The following LSAMP variants were observed in gnomAD, a reference collection of about 807,000 sequenced individuals.
LSAMP encodes the protein limbic system associated membrane protein.
LSAMP carries 7 observed loss-of-function variants against 38.6 expected under a neutral mutation model. The ratio of observed to expected loss-of-function variants is 0.18; its 90% CI spans 0.10 to 0.34. LSAMP has a LOEUF of 0.34. Ranked by LOEUF, LSAMP falls within the 10% of genes least tolerant of loss-of-function variation. The probability of loss-of-function intolerance (pLI) is 1.00; values close to 1 mark genes in which losing one functional copy is unlikely to be tolerated. For missense variants in LSAMP, 313 were observed against 420.0 expected (o/e 0.75, Z 2.23); for synonymous variants, 154 against 166.8 (o/e 0.92, Z 0.59).
At chr3:116,047,882 T>G (rs2107728438) in intron 2 of LSAMP, among the ~76,000 whole-genome samples, 1 of 152,356 alleles carries the variant, frequency 6.6e-6, no homozygotes, top group South Asian at 2.1e-4. Flanking sequence ...AGTCATCACT[T>G]TTGTGATGAA....
rs572707865 is a variant in LSAMP, at chr3:116,130,961, C to T, written c.156-44405G>A. 1.7e-4 allele frequency among the ~76,000 whole-genome samples: 26 copies of T among 150,704 alleles called. No homozygotes were observed. In the South Asian group the frequency reaches 3.4e-3, roughly 19 times the overall value. On this transcript the variant is annotated intron_variant, in intron 1 of 6. Coordinates refer to ENST00000490035, the MANE Select transcript of LSAMP (RefSeq NM_002338.5). The stretch of plus-strand genomic sequence containing the variant: ...ATTCAAAATTCATTCACTTCACTTC[C>T]GGTAACAACTGTTTAAGGTTCCACA...
chr3:116,169,322 T>C (rs1358617982), intron 1 of LSAMP, among the ~76,000 whole-genome samples: 1 of 152,232 alleles, frequency 6.6e-6, no homozygotes, highest in Non-Finnish European at 1.5e-5. Context: ...CCAAAATGGC[T>C]GTAGTGAATC....
intron 1 of LSAMP, among the ~76,000 whole-genome samples, chr3:116,180,202 GTC>G (rs1450169556): frequency 6.6e-6 from 1 of 152,024 alleles, no homozygotes; most frequent in African/African-American, 2.4e-5. Context: ...CATGAATACA[GTC>G]TCTGCTCTCA....
At chr3:116,434,689 C>A (rs2049324133) in intron 1 of LSAMP, among the ~76,000 whole-genome samples, 1 of 152,046 alleles carries the variant, frequency 6.6e-6, no homozygotes, top group Admixed American at 6.5e-5. Flanking sequence ...GTAGCTAGGG[C>A]TACAGGCGTG....
At chr3:116,245,436 C>A (rs571759555) in intron 1 of LSAMP, among the ~76,000 whole-genome samples, 1 of 152,086 alleles carries the variant, frequency 6.6e-6, no homozygotes, top group Non-Finnish European at 1.5e-5. Flanking sequence ...TTTCTTATTG[C>A]CCAAGGAGTG....
rs535739121 is a variant in LSAMP, at chr3:115,984,385, T to G, written c.514+35130A>C. Among the ~76,000 whole-genome samples the G allele has an allele frequency of 3.3e-5, 5 of 152,328 alleles. No individual in the cohort carries two copies. The South Asian group carries it at 1.0e-3, about 32-fold the overall frequency. On this transcript the variant is annotated intron_variant, in intron 3 of 6. Transcript: ENST00000490035. The stretch of plus-strand genomic sequence containing the variant: ...TCAAGATATAGGTCTAGGCTAGATG[T>G]ATGCTAAAATAAGAGCATCCAAGGA...
At chr3:116,157,319 A>G (rs183938197) in intron 1 of LSAMP, among the ~76,000 whole-genome samples, 1 of 152,276 alleles carries the variant, frequency 6.6e-6, no homozygotes, top group Admixed American at 6.5e-5. Flanking sequence ...AAAAAAAGGA[A>G]AAGGGGCATT....
At chr3:116,323,170 G>A (rs1188988438) in intron 1 of LSAMP, among the ~76,000 whole-genome samples, 1 of 152,066 alleles carries the variant, frequency 6.6e-6, no homozygotes, top group Non-Finnish European at 1.5e-5. Flanking sequence ...AGAAAGAGCA[G>A]GAATGTGTTA....
chr3:116,211,668 T>C (rs2046158191), intron 1 of LSAMP, among the ~76,000 whole-genome samples: 2 of 152,172 alleles, frequency 1.3e-5, no homozygotes, highest in African/African-American at 4.8e-5. Context: ...TGGGCAGCAA[T>C]ATGCTGATTT....
chr3:115,921,685 C>G (rs1937386076), intron 3 of LSAMP, among the ~76,000 whole-genome samples: 1 of 152,204 alleles, frequency 6.6e-6, no homozygotes, highest in South Asian at 2.1e-4. Context: ...ATGGCATTCT[C>G]TTACTTAAAC....
intron 3 of LSAMP, among the ~76,000 whole-genome samples, chr3:115,894,644 T>G (rs1397784376): frequency 6.6e-6 from 1 of 152,036 alleles, no homozygotes; most frequent in Non-Finnish European, 1.5e-5. Context: ...TGAAAACCAC[T>G]GATAACATAT....
chr3:116,116,001 A>G (rs1559748991), intron 1 of LSAMP, among the ~76,000 whole-genome samples: 1 of 147,056 alleles, frequency 6.8e-6, no homozygotes, highest in East Asian at 2.0e-4. Flanking sequence ...GAACTATTAC[A>G]TTGTTAATTT....
chr3:116,292,777 T>C (rs2047284889), intron 1 of LSAMP, among the ~76,000 whole-genome samples: 1 of 152,188 alleles, frequency 6.6e-6, no homozygotes, highest in South Asian at 2.1e-4. Context: ...CTCGCAAGGT[T>C]AAATGGTTTG....
rs114845659 is a variant in LSAMP, at chr3:116,232,974, C to G, written c.156-146418G>C. On this transcript the variant is annotated intron_variant, in intron 1 of 6. Coordinates refer to ENST00000490035, the MANE Select transcript of LSAMP (RefSeq NM_002338.5). The stretch of plus-strand genomic sequence containing the variant: ...TTTAATACCCCCCAACCCCAACCAG[C>G]CTTTCTCATATTTGTCAATTTTCTG... 5.3e-3 allele frequency among the ~76,000 whole-genome samples: 812 copies of G among 152,032 alleles called. 14 individuals carry two copies. Among genetic ancestry groups the G allele is most frequent in the African/African-American group, 0.019 (780 of 41,478 alleles).
Position 116,029,348 on chromosome 3 carries a change from C to T in LSAMP, c.389-9708G>A, listed in dbSNP as rs535451480. Reference sequence around the variant, plus strand: ...ACTGGAACATGATTTCATTTAGACACAAATTTCATGGGAAAGTAGAAAAAA... The same window carrying T: ...ACTGGAACATGATTTCATTTAGACATAAATTTCATGGGAAAGTAGAAAAAA... On this transcript the variant is annotated intron_variant, in intron 2 of 6. Transcript: ENST00000490035. Among the ~76,000 whole-genome samples the T allele has an allele frequency of 4.6e-5, 7 of 152,174 alleles. No homozygotes were observed. The South Asian group carries it at 1.5e-3, about 32-fold the overall frequency.
chr3:115,824,873 T>G (rs1009102982), intron 6 of LSAMP, among the ~76,000 whole-genome samples: 1 of 152,182 alleles, frequency 6.6e-6, no homozygotes, highest in East Asian at 1.9e-4. Flanking sequence ...TTTATCTGAC[T>G]TGGTAAGAAA....
chr3:116,425,781 G>A (rs1389006739), intron 1 of LSAMP, among the ~76,000 whole-genome samples: 1 of 151,020 alleles, frequency 6.6e-6, no homozygotes, highest in African/African-American at 2.4e-5. Flanking sequence ...AAACAATAAA[G>A]ATGAAAAAAT....
intron 1 of LSAMP, among the ~76,000 whole-genome samples, chr3:116,111,130 C>A (rs1708603698): frequency 2.0e-5 from 3 of 152,086 alleles, no homozygotes; most frequent in Admixed American, 1.3e-4. Flanking sequence ...AGGGCCTTTT[C>A]ACTTCTTTTG....
intron 1 of LSAMP, among the ~76,000 whole-genome samples, chr3:116,197,163 A>ACACACACACACACTCT (rs1268040540): frequency 6.5e-5 from 9 of 139,208 alleles, no homozygotes; most frequent in African/African-American, 2.3e-4. Context: ...ACACACACAC[A>ACACACACACACACTCT]CTCTCTCTCT....
Sources: allele counts gnomAD v4.1 joint callset (sites outside exome capture counted in the v4.1 genomes callset), GRCh38; gene constraint gnomAD v4.1.1; transcripts MANE v1.5; gene names NCBI Gene and HGNC (gene_info 2026-07-23, HGNC 2026-07-21).